RGS6: variants seen among roughly 807,000 people sequenced by gnomAD.
RGS6 encodes regulator of G protein signaling 6, also known as regulator of G-protein signaling 6.
A neutral mutation model predicts 78.5 loss-of-function variants in RGS6; 30 were observed. The observed-to-expected ratio is 0.38, with a 90% CI of 0.29 to 0.52. The LOEUF (loss-of-function observed/expected upper bound fraction) is 0.52. Among genes scored for constraint, RGS6 ranks in the 20% least tolerant of loss-of-function variants. The probability of loss-of-function intolerance (pLI) is 0.85; values close to 1 mark genes in which losing one functional copy is unlikely to be tolerated. For synonymous variants in RGS6, 206 were observed against 206.0 expected, an observed-to-expected ratio of 1.00 and a Z score of 0.00; for missense variants, 495 against 609.7, an observed-to-expected ratio of 0.81 and a Z score of 1.98.
intron 2 of RGS6, among the ~76,000 whole-genome samples, chr14:72,346,767 T>C (rs184458336): frequency 6.6e-6 from 1 of 152,248 alleles, no homozygotes; most frequent in Admixed American, 6.5e-5. Context: ...GCCAGTCTCC[T>C]GGGTTCTCCC....
intron 2 of RGS6, among the ~76,000 whole-genome samples, chr14:72,012,289 T>C (rs1596056655): frequency 1.3e-5 from 2 of 152,330 alleles, no homozygotes; most frequent in Non-Finnish European, 2.9e-5. Flanking sequence ...TTTTATTGTA[T>C]CTTCTTTGCA....
chr14:72,550,179 C>T (rs1175031911), intron 17 of RGS6, among the ~76,000 whole-genome samples: 6 of 152,144 alleles, frequency 3.9e-5, no homozygotes, highest in Middle Eastern at 3.2e-3. Context: ...TTAAACATGG[C>T]GATCCCGGTA....
chr14:71,895,343 C>T, the RGS6 span, among the ~76,000 whole-genome samples: 303 of 151,924 alleles, frequency 2.0e-3, no homozygotes, highest in South Asian at 7.1e-3. Context: ...ATCACCACAC[C>T]CAGCTAATTT....
intron 2 of RGS6, among the ~76,000 whole-genome samples, chr14:72,331,089 C>T (rs1044998009): frequency 6.6e-6 from 1 of 152,114 alleles, no homozygotes; most frequent in Admixed American, 6.5e-5. Context: ...GCAGATTCCG[C>T]CAGGATTCTG....
intron 2 of RGS6, among the ~76,000 whole-genome samples, chr14:72,098,166 C>A (rs1231298754): frequency 2.0e-5 from 3 of 152,180 alleles, no homozygotes; most frequent in Non-Finnish European, 4.4e-5. Context: ...TCCATGTTTT[C>A]CAAAACCGCC....
intron 2 of RGS6, among the ~76,000 whole-genome samples, chr14:72,026,422 A>AT (rs2153301804): frequency 6.6e-6 from 1 of 152,272 alleles, no homozygotes; most frequent in African/African-American, 2.4e-5. Flanking sequence ...GAAAAAAAAA[A>AT]GTAGCCATCA....
At chr14:72,428,518 G>T (rs1255750231) in intron 3 of RGS6, among the ~76,000 whole-genome samples, 1 of 152,158 alleles carries the variant, frequency 6.6e-6, no homozygotes, top group Non-Finnish European at 1.5e-5. Flanking sequence ...AGCAGTGAGT[G>T]GCAAAGAGGA....
chr14:72,327,002 C>T (rs555434434), intron 2 of RGS6, among the ~76,000 whole-genome samples: 39 of 152,278 alleles, frequency 2.6e-4, no homozygotes, highest in Middle Eastern at 3.4e-3. Context: ...CCGTTGCGCC[C>T]GGCCAGGTAT....
chr14:72,262,542 T>G (rs2058346723), intron 2 of RGS6, among the ~76,000 whole-genome samples: 1 of 152,174 alleles, frequency 6.6e-6, no homozygotes. Context: ...CTACATATAT[T>G]CACATTGGGG....
chr14:72,420,816 C>G (rs1410052048), intron 3 of RGS6, among the ~76,000 whole-genome samples: 1 of 152,170 alleles, frequency 6.6e-6, no homozygotes, highest in Non-Finnish European at 1.5e-5. Context: ...ATTCAGAACG[C>G]CATTGATTAT....
chr14:72,019,538 A>G lies in RGS6; in HGVS notation c.84+54663A>G, dbSNP rs533863425. On this transcript the variant is annotated intron_variant, in intron 2 of 17. Coordinates refer to ENST00000553525, the MANE Select transcript of RGS6 (RefSeq NM_001204424.2). Reference sequence around the variant, plus strand: ...TGAGGTAGATCTCCAGGGAATTAATAGGAACCCGTTGTTTTCCATGTTGGC... The same window carrying G: ...TGAGGTAGATCTCCAGGGAATTAATGGGAACCCGTTGTTTTCCATGTTGGC... 2.6e-4 allele frequency among the ~76,000 whole-genome samples: 40 copies of G among 152,340 alleles called. 1 individual carries two copies. Among genetic ancestry groups the G allele is most frequent in the Middle Eastern group, 6.8e-3 (2 of 294 alleles).
intron 3 of RGS6, among the ~76,000 whole-genome samples, chr14:72,453,405 G>A (rs1005630261): frequency 2.6e-5 from 4 of 151,424 alleles, no homozygotes; most frequent in African/African-American, 7.3e-5. Context: ...CACGAGGTCA[G>A]GAGATCGAGA....
chr14:71,922,382 C>T, the RGS6 span, among the ~76,000 whole-genome samples: 6 of 152,180 alleles, frequency 3.9e-5, no homozygotes, highest in African/African-American at 1.4e-4. Context: ...ACAATCCTTA[C>T]TGTCTCTCCC....
intron 2 of RGS6, among the ~76,000 whole-genome samples, chr14:72,014,879 C>T (rs555282555): frequency 2.0e-5 from 3 of 152,326 alleles, no homozygotes; most frequent in African/African-American, 7.2e-5. Context: ...ATTCATACTT[C>T]TGCCAATGTT....
chr14:72,207,262 G>A (rs2042941280), intron 2 of RGS6, among the ~76,000 whole-genome samples: 1 of 151,980 alleles, frequency 6.6e-6, no homozygotes, highest in Non-Finnish European at 1.5e-5. Context: ...CACAATATGG[G>A]ATAAATGTGA....
chr14:72,121,608 T>C lies in RGS6; in HGVS notation c.84+156733T>C, dbSNP rs2096055319. On this transcript the variant is annotated intron_variant, in intron 2 of 17. Coordinates refer to ENST00000553525, the MANE Select transcript of RGS6 (RefSeq NM_001204424.2). ...GGGAGAGGTGGTGAGAGTTTATTGC[T>C]GCCTTCTTTCTCATGGAAGCATTGG... Among the ~76,000 whole-genome samples the C allele has an allele frequency of 2.6e-5, 4 of 152,208 alleles. No homozygotes were observed. The South Asian group carries it at 6.2e-4, about 24-fold the overall frequency.
At chr14:72,523,154 T>G (rs1269306349) in intron 15 of RGS6, among the ~76,000 whole-genome samples, 1 of 152,150 alleles carries the variant, frequency 6.6e-6, no homozygotes, top group Non-Finnish European at 1.5e-5. Context: ...AGCCAGGACT[T>G]GCACTCAGAT....
At chr14:72,203,790 C>T (rs2153743065) in intron 2 of RGS6, among the ~76,000 whole-genome samples, 1 of 150,324 alleles carries the variant, frequency 6.7e-6, no homozygotes, top group Non-Finnish European at 1.5e-5. Context: ...ATATACACAA[C>T]ATTATTTGCT....
At chr14:72,339,514 T>G (rs1424157670) in intron 2 of RGS6, among the ~76,000 whole-genome samples, 2 of 152,208 alleles carry the variant, frequency 1.3e-5, no homozygotes. Flanking sequence ...ATTGAAGAGC[T>G]GGGCAGTGGA....
Sources: gnomAD v4.1 joint callset for allele counts (sites outside exome capture counted in the v4.1 genomes callset) on GRCh38, gnomAD v4.1.1 for gene constraint, MANE v1.5 for transcripts, NCBI Gene and HGNC (gene_info 2026-07-23, HGNC 2026-07-21) for gene names.